Variants in IL1RAPL1 observed in about 807,000 individuals in gnomAD.
IL1RAPL1 encodes interleukin 1 receptor accessory protein like 1.
IL1RAPL1 carries 3 observed loss-of-function variants against 48.4 expected under a neutral mutation model. The ratio of observed to expected loss-of-function variants is 0.06; its 90% CI spans 0.03 to 0.16. The LOEUF (loss-of-function observed/expected upper bound fraction) is 0.16, where lower values mean the gene tolerates loss of function less well. Ranked by LOEUF, IL1RAPL1 falls within the 10% of genes least tolerant of loss-of-function variation. The probability of loss-of-function intolerance (pLI) is 1.00; values close to 1 mark genes in which losing one functional copy is unlikely to be tolerated. For synonymous variants in IL1RAPL1, 185 were observed against 187.7 expected (o/e 0.99, Z 0.12); for missense variants, 349 against 530.6 (o/e 0.66, Z 3.36).
intron 2 of IL1RAPL1, among the ~76,000 whole-genome samples, chrX:28,974,714 C>G (rs758020180): frequency 8.9e-6 from 1 of 111,903 alleles, no homozygotes; most frequent in Admixed American, 9.5e-5. Context: ...TCTTGATCTA[C>G]GCCATTTGGC....
intron 1 of IL1RAPL1, among the ~76,000 whole-genome samples, chrX:28,771,815 C>T (rs1243823501): frequency 9.1e-6 from 1 of 109,453 alleles, no homozygotes; most frequent in Non-Finnish European, 1.9e-5. Context: ...GCTAGAGACC[C>T]AGCTACTCGG....
intron 1 of IL1RAPL1, among the ~76,000 whole-genome samples, chrX:28,688,285 A>T (rs1416851356): frequency 9.2e-6 from 1 of 108,799 alleles, no homozygotes; most frequent in African/African-American, 3.4e-5. Flanking sequence ...TTGACCTCCC[A>T]AGGTCCTCCA....
intron 6 of IL1RAPL1, among the ~76,000 whole-genome samples, chrX:29,827,643 G>A (rs1167317149): frequency 1.8e-5 from 2 of 112,141 alleles, no homozygotes; most frequent in African/African-American, 6.5e-5. Context: ...TGCACAAGAA[G>A]GTAAAAGCAC....
intron 1 of IL1RAPL1, chrX:28,659,432 C>G: frequency 1.9e-6 from 1 of 529,715 alleles, no homozygotes. Context: ...TGTTTTACCA[C>G]CAGTCGATTT....
intron 5 of IL1RAPL1, among the ~76,000 whole-genome samples, chrX:29,455,142 G>A (rs945546478): frequency 1.8e-5 from 2 of 111,232 alleles, no homozygotes; most frequent in Non-Finnish European, 3.8e-5. Context: ...GTGATCAGTT[G>A]ATAGATAAAG....
intron 2 of IL1RAPL1, among the ~76,000 whole-genome samples, chrX:28,867,715 T>C (rs892976493): frequency 2.7e-5 from 3 of 111,753 alleles, no homozygotes; most frequent in Non-Finnish European, 5.6e-5. Context: ...ACATGGCATA[T>C]AGGGAGAATT....
chrX:28,829,918 A>T (rs1326783919), intron 2 of IL1RAPL1, among the ~76,000 whole-genome samples: 1 of 109,833 alleles, frequency 9.1e-6, no homozygotes, highest in African/African-American at 3.3e-5. Context: ...TTGGTTTCTT[A>T]TTCTTTTAAT....
rs200516085 is a variant in IL1RAPL1 at position 28,818,593 on chromosome X, T to G, written c.82+29168T>G. On this transcript the variant is annotated intron_variant, in intron 2 of 10. Coordinates refer to ENST00000378993, the MANE Select transcript of IL1RAPL1 (RefSeq NM_014271.4). ...TGCTTTCATCTTAGACTCTGAAAAT[T>G]GGTTAATGCCTGAAAATTTCTGAAG... Among the ~76,000 whole-genome samples the G allele has an allele frequency of 8.1e-5, 9 of 110,851 alleles. No individual in the cohort carries two copies. In the East Asian group the frequency reaches 2.6e-3, roughly 31 times the overall value.
At chrX:29,610,478 T>C (rs1470638688) in intron 5 of IL1RAPL1, among the ~76,000 whole-genome samples, 1 of 112,287 alleles carries the variant, frequency 8.9e-6, no homozygotes, top group African/African-American at 3.2e-5. Context: ...TTTATAGTGT[T>C]TTATAATGCT....
intron 6 of IL1RAPL1, among the ~76,000 whole-genome samples, chrX:29,745,431 G>GTTTTTTTTTTTTTTTTTTTTTTTTTTTT (rs752527354): frequency 8.1e-5 from 2 of 24,746 alleles, no homozygotes; most frequent in African/African-American, 1.8e-4. Context: ...AGTTTTTTGT[G>GTTTTTTTTTTTTTTTTTTTTTTTTTTTT]TTTTTTTTTT....
At chrX:29,691,266 C>T (rs748165838) in intron 6 of IL1RAPL1, among the ~76,000 whole-genome samples, 72 of 111,371 alleles carry the variant, frequency 6.5e-4, no homozygotes, top group Non-Finnish European at 3.2e-4. Flanking sequence ...CAGCAAGACA[C>T]GAAAATGGTA....
At chrX:29,416,788 A>C (rs1040191688) in intron 5 of IL1RAPL1, among the ~76,000 whole-genome samples, 2 of 111,785 alleles carry the variant, frequency 1.8e-5, no homozygotes, top group South Asian at 7.5e-4. Flanking sequence ...ACTGCTCAAT[A>C]ATAGGGAAGA....
chrX:28,763,046 A>G (rs1936195385), intron 1 of IL1RAPL1, among the ~76,000 whole-genome samples: 1 of 111,492 alleles, frequency 9.0e-6, no homozygotes, highest in Non-Finnish European at 1.9e-5. Context: ...ATGTCTCCAA[A>G]TTCAGAGAAA....
At chrX:29,230,879 T>C (rs1931190963) in intron 2 of IL1RAPL1, among the ~76,000 whole-genome samples, 1 of 111,521 alleles carries the variant, frequency 9.0e-6, no homozygotes, top group Non-Finnish European at 1.9e-5. Context: ...AGACCTCTGG[T>C]AGCAGGAGTC....
intron 5 of IL1RAPL1, among the ~76,000 whole-genome samples, chrX:29,465,688 C>T (rs747469104): frequency 1.8e-5 from 2 of 110,962 alleles, no homozygotes; most frequent in Non-Finnish European, 3.8e-5. Flanking sequence ...CAGCCACAAC[C>T]GAGAACAACT....
chrX:28,797,108 A>G (rs749563344), intron 2 of IL1RAPL1, among the ~76,000 whole-genome samples: 1 of 112,152 alleles, frequency 8.9e-6, no homozygotes, highest in Non-Finnish European at 1.9e-5. Flanking sequence ...CAGCTGGGAC[A>G]TAGGGCACCA....
At chrX:28,658,535 T>A (rs1443376175) in intron 1 of IL1RAPL1, among the ~76,000 whole-genome samples, 2 of 109,570 alleles carry the variant, frequency 1.8e-5, no homozygotes, top group Non-Finnish European at 3.8e-5. Context: ...TTAGTTTTTG[T>A]CTTTTTTTTT....
intron 6 of IL1RAPL1, among the ~76,000 whole-genome samples, chrX:29,746,976 G>A (rs1928350807): frequency 3.6e-5 from 4 of 112,267 alleles, no homozygotes; most frequent in African/African-American, 1.3e-4. Context: ...TATTAGGCTG[G>A]TCTTTTCCAG....
intron 2 of IL1RAPL1, among the ~76,000 whole-genome samples, chrX:29,083,024 A>G (rs1471477931): frequency 8.9e-6 from 1 of 111,900 alleles, no homozygotes; most frequent in African/African-American, 3.2e-5. Context: ...ATAGCTGTGG[A>G]AAAATAGCTG....
Sources: gnomAD v4.1 joint callset for allele counts (sites outside exome capture counted in the v4.1 genomes callset) on GRCh38, gnomAD v4.1.1 for gene constraint, MANE v1.5 for transcripts, NCBI Gene and HGNC (gene_info 2026-07-23, HGNC 2026-07-21) for gene names.